FRMPD4: variants seen among roughly 807,000 people sequenced by gnomAD.
FRMPD4 encodes the protein FERM and PDZ domain containing 4.
A neutral mutation model predicts 94.1 loss-of-function variants in FRMPD4; 22 were observed. That is an observed-to-expected ratio of 0.23 (90% CI 0.17 to 0.33). The LOEUF (loss-of-function observed/expected upper bound fraction) is 0.33. FRMPD4 is among the 10% of genes least tolerant of loss of function. FRMPD4 has a pLI of 1.00. For synonymous variants in FRMPD4, 631 were observed against 548.6 expected (o/e 1.15, Z -2.10); for missense variants, 1,111 against 1,339.9 (o/e 0.83, Z 2.67).
At chrX:12,007,504 G>T (rs779307463) in intron 3 of FRMPD4, among the ~76,000 whole-genome samples, 2 of 112,027 alleles carry the variant, frequency 1.8e-5, no homozygotes, top group Non-Finnish European at 3.8e-5. Flanking sequence ...GAGCTCTAAG[G>T]CCAGAGCCTT....
At chrX:12,191,165 AG>A (rs35980682) in intron 1 of FRMPD4, among the ~76,000 whole-genome samples, 2 of 112,180 alleles carry the variant, frequency 1.8e-5, no homozygotes, top group Non-Finnish European at 3.8e-5. Context: ...ATATATCATC[AG>A]GGAAACGCAA....
intron 2 of FRMPD4, among the ~76,000 whole-genome samples, chrX:12,574,424 T>G (rs7049960): frequency 0.49 from 54,715 of 111,461 alleles, 9,985 homozygotes; most frequent in Non-Finnish European, 0.58. Context: ...GAGAATATTC[T>G]GTTAGACATG....
chrX:12,008,050 A>G (rs949499624), intron 3 of FRMPD4, among the ~76,000 whole-genome samples: 8 of 112,014 alleles, frequency 7.1e-5, no homozygotes, highest in African/African-American at 2.6e-4. Flanking sequence ...GTGGTTTATC[A>G]CTGACTAATA....
At chrX:11,991,647 C>G (rs2054464981) in intron 3 of FRMPD4, among the ~76,000 whole-genome samples, 2 of 111,911 alleles carry the variant, frequency 1.8e-5, no homozygotes, top group Non-Finnish European at 3.8e-5. Flanking sequence ...TTCTCACACC[C>G]TTTTGAACCA....
chrX:12,053,431 AG>A (rs2054835618), intron 3 of FRMPD4, among the ~76,000 whole-genome samples: 2 of 94,640 alleles, frequency 2.1e-5, no homozygotes, highest in Non-Finnish European at 4.3e-5. Context: ...AGAAAGAAAG[AG>A]AAAGAAAGAA....
chrX:12,322,797 T>A (rs2055226583), intron 1 of FRMPD4, among the ~76,000 whole-genome samples: 1 of 111,885 alleles, frequency 8.9e-6, no homozygotes, highest in African/African-American at 3.2e-5. Context: ...GCCTTTTATG[T>A]AGTGGAATGC....
chrX:12,462,290 A>G (rs2057398855), intron 1 of FRMPD4, among the ~76,000 whole-genome samples: 1 of 112,349 alleles, frequency 8.9e-6, no homozygotes, highest in Non-Finnish European at 1.9e-5. Flanking sequence ...AGTGCAAGGA[A>G]GAAGCATAAG....
upstream of FRMPD4, among the ~76,000 whole-genome samples, chrX:12,135,972 A>G (rs2055592917): frequency 9.0e-6 from 1 of 111,394 alleles, no homozygotes; most frequent in Admixed American, 9.5e-5. Flanking sequence ...TTTGGGGGAA[A>G]GGTAGAAAAG....
At position 12,113,939 on chromosome X, in the gene FRMPD4, A is replaced by T. The variant is rs148108645; in HGVS notation, c.95+235921A>T. Among the ~76,000 whole-genome samples the T allele has an allele frequency of 5.2e-3, 588 of 112,318 alleles. 3 individuals are homozygous for T. Among genetic ancestry groups the T allele is most frequent in the South Asian group, 0.013 (35 of 2,688 alleles). On this transcript the variant is annotated intron_variant, in intron 3 of 18. Coordinates refer to the FRMPD4 transcript ENST00000640291. ...TTTGCATAGATATTTGGAGTTATGA[A>T]GCATTTTTTGGAAAGATGAAAGAAT... is the stretch of plus-strand genomic sequence containing the variant.
intron 1 of FRMPD4, among the ~76,000 whole-genome samples, chrX:12,452,821 C>A (rs1282275435): frequency 9.0e-6 from 1 of 111,704 alleles, no homozygotes; most frequent in Non-Finnish European, 1.9e-5. Flanking sequence ...TGAGGGCTTC[C>A]TGTAGCTTGG....
intron 9 of FRMPD4, 41 bp downstream of exon 9, chrX:12,694,495 T>C (rs1342115541): frequency 1.9e-6 from 2 of 1,063,713 alleles, no homozygotes; most frequent in Non-Finnish European, 2.6e-6. Flanking sequence ...AATGTTGTGA[T>C]ATAAACTAAC....
At chrX:12,375,154 C>G (rs890942925) in intron 1 of FRMPD4, 10 of 112,742 alleles carry the variant, frequency 8.9e-5, no homozygotes, top group Admixed American at 3.7e-4. Flanking sequence ...TGGAAACAGT[C>G]TGTAAAGCAG....
Position 12,081,319 on chromosome X carries a change from G to A in FRMPD4, c.95+203301G>A, listed in dbSNP as rs371979431. ...TTTTTCAACTCACATTTTCCCATAA[G>A]CTACACTGTGGGAGGGCTGCCAATA... On this transcript the variant is annotated intron_variant, in intron 3 of 18. Transcript: ENST00000640291. Among the ~76,000 whole-genome samples the A allele has an allele frequency of 6.3e-5, 7 of 111,861 alleles. No individual in the cohort carries two copies. In the East Asian group the frequency reaches 2.0e-3, roughly 31 times the overall value.
At chrX:12,238,852 C>CA (rs2057100021) in intron 1 of FRMPD4, among the ~76,000 whole-genome samples, 2 of 112,016 alleles carry the variant, frequency 1.8e-5, no homozygotes, top group African/African-American at 3.2e-5. Context: ...TTAAAATTAG[C>CA]AATGCAGTTA....
intron 1 of FRMPD4, among the ~76,000 whole-genome samples, chrX:12,181,459 G>A (rs2056357642): frequency 8.9e-6 from 1 of 111,851 alleles, no homozygotes; most frequent in Non-Finnish European, 1.9e-5. Context: ...GAGGTTGCAA[G>A]CATAGTCATC....
chrX:12,565,351 C>A (rs758609961), intron 2 of FRMPD4, among the ~76,000 whole-genome samples: 1 of 111,326 alleles, frequency 9.0e-6, no homozygotes, highest in African/African-American at 3.3e-5. Context: ...ATATATATAG[C>A]TTTACAACTG....
At chrX:11,999,578 G>T (rs946450362) in intron 3 of FRMPD4, among the ~76,000 whole-genome samples, 20 of 112,188 alleles carry the variant, frequency 1.8e-4, no homozygotes, top group Non-Finnish European at 3.8e-4. Context: ...GTTAAAGCAT[G>T]TTTGAAACAT....
intron 1 of FRMPD4, among the ~76,000 whole-genome samples, chrX:11,844,132 C>T (rs763744097): frequency 1.9e-5 from 2 of 105,461 alleles, no homozygotes; most frequent in East Asian, 6.0e-4. Context: ...GGACTACAGG[C>T]ATGCGCCATC....
chrX:12,076,123 C>T (rs774330261), intron 3 of FRMPD4, among the ~76,000 whole-genome samples: 6 of 111,567 alleles, frequency 5.4e-5, no homozygotes, highest in Non-Finnish European at 1.1e-4. Flanking sequence ...GAACGAAGAA[C>T]ATTTCTCAGT....
Sources: gnomAD v4.1 joint callset for allele counts (sites outside exome capture counted in the v4.1 genomes callset) on GRCh38, gnomAD v4.1.1 for gene constraint, MANE v1.5 for transcripts, NCBI Gene and HGNC (gene_info 2026-07-23, HGNC 2026-07-21) for gene names.